The following EID3 variants were observed in gnomAD, a reference collection of about 807,000 sequenced individuals.
EID3 encodes EP300 interacting inhibitor of differentiation 3.
A neutral mutation model predicts 1.6 loss-of-function variants in EID3; 3 were observed. The observed-to-expected ratio is 1.87, with a 90% CI of 0.85 to 4.83. The LOEUF (loss-of-function observed/expected upper bound fraction) is 4.83, where lower values mean the gene tolerates loss of function less well. Ranked by LOEUF, EID3 falls within the 30% of genes most tolerant of loss-of-function variation. The probability of loss-of-function intolerance (pLI) is 0.02; values close to 1 mark genes in which losing one functional copy is unlikely to be tolerated. For synonymous variants in EID3, 164 were observed against 148.1 expected, an observed-to-expected ratio of 1.11 and a Z score of -0.78; for missense variants, 471 against 409.9, an observed-to-expected ratio of 1.15 and a Z score of -1.29.
rs1388327999 is a variant in EID3, at chr12:104,303,745, G to C, written c.-190G>C. ...GGCCGGGCCGCTAGTGCGCATGGGC[G>C]GGCGTCCTCGGCTCTAACTGCCGCC... is the stretch of plus-strand genomic sequence containing the variant. On this transcript the variant is annotated 5_prime_UTR_variant, in exon 1 of 1. Transcript: ENST00000527879. The C allele has an allele frequency of 2.1e-6, 2 of 955,066 alleles. No homozygotes were observed. The highest frequency in any genetic ancestry group is 2.9e-6 in the Non-Finnish European group (2 of 684,146). 59.2% of individuals were successfully genotyped at this position (955,066 alleles called of 1,614,324 possible).
At position 104,305,016 on chromosome 12, in the gene EID3, T is replaced by C. The variant is rs2034836820; in HGVS notation, c.*80T>C. On this transcript the variant is annotated 3_prime_UTR_variant, in exon 1 of 1. Transcript: ENST00000527879. ...GTAAAATGTAAACTGAAGCACATAT[T>C]GTATCTCTTGTAAAGTGAAAAAGTA... 7.3e-7 allele frequency: 1 copy of C among 1,364,376 alleles called. No individual in the cohort carries two copies. The highest frequency in any genetic ancestry group is 1.5e-5 in the African/African-American group (1 of 68,648). 84.5% of individuals were successfully genotyped at this position (1,364,376 alleles called of 1,614,324 possible). A position where few individuals can be genotyped will look rare whatever the true frequency, so the allele number is the denominator to read the frequency against.
At position 104,305,091 on chromosome 12, in the gene EID3, T is replaced by A; in HGVS notation, c.*155T>A. The A allele has an allele frequency of 1.3e-6, 1 of 798,532 alleles. No homozygotes were observed. The highest frequency in any genetic ancestry group is 1.8e-6 in the Non-Finnish European group (1 of 543,032). 49.5% of individuals were successfully genotyped at this position (798,532 alleles called of 1,614,324 possible). A position where few individuals can be genotyped will look rare whatever the true frequency, so the allele number is the denominator to read the frequency against. On this transcript the variant is annotated 3_prime_UTR_variant, in exon 1 of 1. Coordinates refer to ENST00000527879, the MANE Select transcript of EID3 (RefSeq NM_001008394.3). ...TTACTGTGCAGCATATTTTTCTTAG[T>A]AATTTATAAGGTCATGATCTTCTGT...
rs773164321 is a variant in EID3, at chr12:104,304,065, A to AC, written c.133dup (p.Arg45ProfsTer34). ...AAGTGCCGCAGCATCCGCAGGCAGT[A>AC]CCGGCAGCTCATGTACTGCGTGCGG... On this transcript the variant is annotated frameshift_variant, in exon 1 of 1. Transcript: ENST00000527879. LOFTEE classifies it low-confidence loss of function (END_TRUNC). The AC allele has an allele frequency of 6.2e-7, 1 of 1,613,796 alleles. No homozygotes were observed. The highest frequency in any genetic ancestry group is 1.3e-5 in the African/African-American group (1 of 74,938).
In EID3 at chr12:104,304,160, C is replaced by T. The variant is rs1370259759; in HGVS notation, c.226C>T (p.Leu76Phe). 14 of 1,613,956 alleles carry T rather than the reference C, an allele frequency of 8.7e-6. No individual in the cohort carries two copies. The highest frequency in any genetic ancestry group is 2.7e-5 in the African/African-American group (2 of 74,952). ...LTEALEEANVLFDGVSRTREA... is the reference protein window; with the variant it reads ...LTEALEEANVFFDGVSRTREA... ...CGAGGCTCTGGAGGAAGCCAACGTC[C>T]TCTTTGATGGCGTGAGCCGAACCAG... is the stretch of plus-strand genomic sequence containing the variant. Residue 76 changes from leucine to phenylalanine, a missense_variant, in exon 1 of 1, where the codon CTC becomes TTC. By Grantham distance (22) the Leu-to-Phe change is conservative (BLOSUM62 0). Transcript: ENST00000527879.
rs751452445 is a variant in EID3, at chr12:104,304,639, T to C, written c.705T>C (p.Tyr235=). ...TGTTGCAAACCTACTTTCGAAAGTA[T>C]CCTGATACTCCTGTGTCCTATTTTG... is the stretch of plus-strand genomic sequence containing the variant. ...LGLLQTYFRK[Y]PDTPVSYFEF... The change falls in exon 1 of 1, where the codon TAT becomes TAC. Residue 235 remains tyrosine, a synonymous_variant. Transcript: ENST00000527879. 1.9e-6 allele frequency: 3 copies of C among 1,613,892 alleles called. No homozygotes were observed. Among genetic ancestry groups the C allele is most frequent in the Non-Finnish European group, 2.5e-6 (3 of 1,179,802 alleles).
rs1341070458 is a variant in EID3 at position 104,304,979 on chromosome 12, G to A, written c.*43G>A. On this transcript the variant is annotated 3_prime_UTR_variant, in exon 1 of 1. Transcript: ENST00000527879. ...ATCCTTTTTGTGTTTTTTTTCTGAA[G>A]TTAGATGGAGAGTAAAATGTAAACT... 6.6e-6 allele frequency: 10 copies of A among 1,517,306 alleles called. No homozygotes were observed. The South Asian group carries it at 1.2e-4, about 18-fold the overall frequency. The allele number at this position is 1,517,306 out of a possible 1,614,324, so 94.0% of individuals were successfully genotyped here.
rs1310588561 is a variant in EID3, at chr12:104,304,633, A to G, written c.699A>G (p.Arg233=). 1 of 1,613,952 alleles carries G rather than the reference A, an allele frequency of 6.2e-7. No homozygotes were observed. The highest frequency in any genetic ancestry group is 2.2e-5 in the East Asian group (1 of 44,892). ...RILGLLQTYF[R]KYPDTPVSYF... is the part of the protein sequence containing the mutation. ...TGGGATTGTTGCAAACCTACTTTCGAAAGTATCCTGATACTCCTGTGTCCT... is the reference window on the plus strand; with the variant it reads ...TGGGATTGTTGCAAACCTACTTTCGGAAGTATCCTGATACTCCTGTGTCCT... Residue 233 remains arginine, a synonymous_variant, in exon 1 of 1, where the codon CGA becomes CGG. Coordinates refer to ENST00000527879, the MANE Select transcript of EID3 (RefSeq NM_001008394.3).
In EID3 at chr12:104,305,039, G is replaced by GT. The variant is rs753516277; in HGVS notation, c.*104dup. The GT allele has an allele frequency of 1.3e-4, 153 of 1,195,268 alleles. No individual in the cohort carries two copies. The highest frequency in any genetic ancestry group is 1.7e-4 in the Non-Finnish European group (147 of 877,536). 74.0% of individuals were successfully genotyped at this position (1,195,268 alleles called of 1,614,324 possible). A position where few individuals can be genotyped will look rare whatever the true frequency, so the allele number is the denominator to read the frequency against. ...ATTGTATCTCTTGTAAAGTGAAAAA[G>GT]TATTTTCAAGAACATCAGACATTGT... On this transcript the variant is annotated 3_prime_UTR_variant, in exon 1 of 1. Coordinates refer to ENST00000527879, the MANE Select transcript of EID3 (RefSeq NM_001008394.3).
At position 104,304,252 on chromosome 12, in the gene EID3, G is replaced by C; in HGVS notation, c.318G>C (p.Gln106His). Reference sequence around the variant, plus strand: ...ATTTGGGTAAAGAAAAGGCAAAGCAGTTAAACTCAGATATGAACTTCTTTA... The same window carrying C: ...ATTTGGGTAAAGAAAAGGCAAAGCACTTAAACTCAGATATGAACTTCTTTA... ...ASDLGKEKAK[Q>H]LNSDMNFFNQ... is the part of the protein sequence containing the mutation. The change falls in exon 1 of 1, where the codon CAG becomes CAC. Residue 106 changes from glutamine to histidine, a missense_variant. Coordinates refer to ENST00000527879, the MANE Select transcript of EID3 (RefSeq NM_001008394.3). 1 of 1,614,058 alleles carries C rather than the reference G, an allele frequency of 6.2e-7. No individual in the cohort carries two copies.
chr12:104,304,141 T>C lies in EID3; in HGVS notation c.207T>C (p.Ala69=), dbSNP rs774068179. ...CGGCGAACAACTCCTTAACCGAGGC[T>C]CTGGAGGAAGCCAACGTCCTCTTTG... ...VSSANNSLTE[A]LEEANVLFDG... is the part of the protein sequence containing the mutation. The change falls in exon 1 of 1, where the codon GCT becomes GCC. Residue 69 remains alanine (A), a synonymous_variant. Transcript: ENST00000527879. 4 of 1,614,046 alleles carry C rather than the reference T, an allele frequency of 2.5e-6. No homozygotes were observed. Among genetic ancestry groups the C allele is most frequent in the Non-Finnish European group, 3.4e-6 (4 of 1,179,898 alleles).
At position 104,304,473 on chromosome 12, in the gene EID3, C is replaced by T. The variant is rs763000507; in HGVS notation, c.539C>T (p.Ser180Phe). The change falls in exon 1 of 1, where the codon TCT becomes TTT. Residue 180 changes from serine to phenylalanine, a missense_variant. Transcript: ENST00000527879. ...FVFGSFKLER[S>F]APKPRLEHQK... ...TTTGGTTCATTCAAGCTAGAACGTT[C>T]TGCACCAAAGCCCCGACTTGAACAC... 1.9e-6 allele frequency: 3 copies of T among 1,613,972 alleles called. No homozygotes were observed. The highest frequency in any genetic ancestry group is 2.7e-5 in the African/African-American group (2 of 75,022).
At position 104,305,048 on chromosome 12, in the gene EID3, A is replaced by G. The variant is rs2034839687; in HGVS notation, c.*112A>G. ...CTTGTAAAGTGAAAAAGTATTTTCAAGAACATCAGACATTGTTTTACTGTG... is the reference window on the plus strand; with the variant it reads ...CTTGTAAAGTGAAAAAGTATTTTCAGGAACATCAGACATTGTTTTACTGTG... On this transcript the variant is annotated 3_prime_UTR_variant, in exon 1 of 1. Coordinates refer to ENST00000527879, the MANE Select transcript of EID3 (RefSeq NM_001008394.3). 1.1e-5 allele frequency: 12 copies of G among 1,114,236 alleles called. No homozygotes were observed. Among genetic ancestry groups the G allele is most frequent in the Middle Eastern group, 2.3e-4 (1 of 4,370 alleles). The allele number at this position is 1,114,236 out of a possible 1,614,324, so 69.0% of individuals were successfully genotyped here.
rs1424943086 is a variant in EID3 at position 104,303,962 on chromosome 12, G to A, written c.28G>A (p.Ala10Thr). ...GAAGATGGATGTGTCAGTGAGGGCC[G>A]CGGGCTGCTCCGACGACCTCAGCTC... MKMDVSVRAAGCSDDLSSGE... is the reference protein window; with the variant it reads MKMDVSVRATGCSDDLSSGE... Residue 10 changes from alanine to threonine, a missense_variant, in exon 1 of 1, where the codon GCG becomes ACG. Coordinates refer to ENST00000527879, the MANE Select transcript of EID3 (RefSeq NM_001008394.3). 2 of 1,602,340 alleles carry A rather than the reference G, an allele frequency of 1.2e-6. No individual in the cohort carries two copies. The highest frequency in any genetic ancestry group is 2.2e-5 in the East Asian group (1 of 44,798).
chr12:104,304,980 TTAGA>T lies in EID3; in HGVS notation c.*46_*49del. The T allele has an allele frequency of 5.3e-6, 8 of 1,517,784 alleles. No individual in the cohort carries two copies. The highest frequency in any genetic ancestry group is 6.2e-6 in the Non-Finnish European group (7 of 1,135,878). The allele number at this position is 1,517,784 out of a possible 1,614,324, so 94.0% of individuals were successfully genotyped here. On this transcript the variant is annotated 3_prime_UTR_variant, in exon 1 of 1. Transcript: ENST00000527879. ...TCCTTTTTGTGTTTTTTTTCTGAAGTTAGATGGAGAGTAAAATGTAAACTGAAGC... is the reference window on the plus strand; with the variant it reads ...TCCTTTTTGTGTTTTTTTTCTGAAGTTGGAGAGTAAAATGTAAACTGAAGC...
At position 104,304,024 on chromosome 12, in the gene EID3, C is replaced by T; in HGVS notation, c.90C>T (p.Leu30=). 6.2e-7 allele frequency: 1 copy of T among 1,612,758 alleles called. No homozygotes were observed. Among genetic ancestry groups the T allele is most frequent in the South Asian group, 1.1e-5 (1 of 91,070 alleles). ...ACGTAGACCCAAAGCTCCTGGAGCTCACCGCTGACGAGGAGAAGTGCCGCA... is the reference window on the plus strand; with the variant it reads ...ACGTAGACCCAAAGCTCCTGGAGCTTACCGCTGACGAGGAGAAGTGCCGCA... ...EADVDPKLLE[L]TADEEKCRSI... The change falls in exon 1 of 1, where the codon CTC becomes CTT. Residue 30 remains leucine (L), a synonymous_variant. Coordinates refer to ENST00000527879, the MANE Select transcript of EID3 (RefSeq NM_001008394.3).
chr12:104,305,145 TG>T lies in EID3; in HGVS notation c.*212del, dbSNP rs1199988909. 2.0e-6 allele frequency: 1 copy of T among 493,760 alleles called. No homozygotes were observed. Among genetic ancestry groups the T allele is most frequent in the Non-Finnish European group, 3.5e-6 (1 of 289,796 alleles). 30.6% of individuals were successfully genotyped at this position (493,760 alleles called of 1,614,324 possible). On this transcript the variant is annotated 3_prime_UTR_variant, in exon 1 of 1. Transcript: ENST00000527879. ...TAAAACAAATTCACTGGCATATTTA[TG>T]GGAACGTTTTATTGAATGCCCTTTA...
rs1352724130 is a variant in EID3, at chr12:104,304,162, C to G, written c.228C>G (p.Leu76=). The change falls in exon 1 of 1, where the codon CTC becomes CTG. Residue 76 remains leucine (L), a synonymous_variant. Transcript: ENST00000527879. ...AGGCTCTGGAGGAAGCCAACGTCCT[C>G]TTTGATGGCGTGAGCCGAACCAGAG... ...LTEALEEANV[L]FDGVSRTREA... is the part of the protein sequence containing the mutation. 5.0e-6 allele frequency: 8 copies of G among 1,613,980 alleles called. No individual in the cohort carries two copies.
chr12:104,304,973 T>C lies in EID3; in HGVS notation c.*37T>C, dbSNP rs781178230. On this transcript the variant is annotated 3_prime_UTR_variant, in exon 1 of 1. Coordinates refer to ENST00000527879, the MANE Select transcript of EID3 (RefSeq NM_001008394.3). ...TATAGCATCCTTTTTGTGTTTTTTT[T>C]CTGAAGTTAGATGGAGAGTAAAATG... The C allele has an allele frequency of 2.3e-5, 35 of 1,528,434 alleles. No homozygotes were observed. In the East Asian group the frequency reaches 3.8e-4, roughly 17 times the overall value. The allele number at this position is 1,528,434 out of a possible 1,614,324, so 94.7% of individuals were successfully genotyped here. A position where few individuals can be genotyped will look rare whatever the true frequency, so the allele number is the denominator to read the frequency against.
In EID3 at chr12:104,304,374, C is replaced by T. The variant is rs1250111992; in HGVS notation, c.440C>T (p.Ala147Val). ...TTGAGTGATTGTGATGATAGCATAG[C>T]TCTTTCCTTCTGGAAGGCAATAGAA... is the stretch of plus-strand genomic sequence containing the variant. ...DKLSDCDDSI[A>V]LSFWKAIEKE... is the part of the protein sequence containing the mutation. Residue 147 changes from alanine (A) to valine (V), a missense_variant, in exon 1 of 1, where the codon GCT becomes GTT. Transcript: ENST00000527879. 16 of 1,613,900 alleles carry T rather than the reference C, an allele frequency of 9.9e-6. No homozygotes were observed. Among genetic ancestry groups the T allele is most frequent in the African/African-American group, 1.3e-5 (1 of 74,914 alleles).
Sources: gnomAD v4.1 joint callset for allele counts on GRCh38, gnomAD v4.1.1 for gene constraint, MANE v1.5 for transcripts, NCBI Gene and HGNC (gene_info 2026-07-23, HGNC 2026-07-21) for gene names.